The following TTC33 variants were observed in gnomAD, a reference collection of about 807,000 sequenced individuals.
TTC33 encodes tetratricopeptide repeat domain 33, also known as tetratricopeptide repeat protein 33.
In TTC33, 24 loss-of-function variants were observed where a neutral mutation model predicts 29.4. The observed-to-expected ratio is 0.82, with a 90% CI of 0.59 to 1.15. TTC33 has a LOEUF of 1.15. Among genes scored for constraint, TTC33 ranks in the 50% most tolerant of loss-of-function variants. TTC33 has a pLI of 0.00. For missense variants in TTC33, 286 were observed against 310.4 expected (o/e 0.92, Z 0.59); for synonymous variants, 107 against 100.3 (o/e 1.07, Z -0.40).
Position 40,731,647 on chromosome 5 carries a change from G to C in TTC33, c.222-1304C>G, listed in dbSNP as rs143477528. Among the ~76,000 whole-genome samples, 635 of 152,276 alleles carry C rather than the reference G, an allele frequency of 4.2e-3. 3 individuals carry two copies. The highest frequency in any genetic ancestry group is 0.015 in the African/African-American group (609 of 41,540). ...TGAGACCAGCATGGCAGAAACTGCC[G>C]CCATAATTCAATTATCTCCACCTGG... On this transcript the variant is annotated intron_variant, in intron 2 of 4. Coordinates refer to ENST00000337702, the MANE Select transcript of TTC33 (RefSeq NM_012382.3).
At chr5:40,744,785 A>G (rs1579690261) in intron 2 of TTC33, among the ~76,000 whole-genome samples, 1 of 152,180 alleles carries the variant, frequency 6.6e-6, no homozygotes, top group South Asian at 2.1e-4. Flanking sequence ...CACAGAGGAC[A>G]ATGCTTTAAG....
chr5:40,747,070 T>A, intron 1 of TTC33, 51 bp from the exon 2 acceptor site: 1 of 1,533,910 alleles, frequency 6.5e-7, no homozygotes, highest in Non-Finnish European at 8.9e-7. Context: ...ATCTTTTTTT[T>A]TTTTTGAGAT....
chr5:40,733,386 A>G (rs1333958093), intron 2 of TTC33, among the ~76,000 whole-genome samples: 1 of 152,172 alleles, frequency 6.6e-6, no homozygotes, highest in African/African-American at 2.4e-5. Context: ...TGTATCCCAA[A>G]ATAAGCCATA....
intron 2 of TTC33, among the ~76,000 whole-genome samples, chr5:40,738,988 C>A (rs1561151681): frequency 6.6e-6 from 1 of 152,150 alleles, no homozygotes; most frequent in Non-Finnish European, 1.5e-5. Flanking sequence ...TTTCTCCCAG[C>A]CTGTGGCCTG....
intron 4 of TTC33, among the ~76,000 whole-genome samples, chr5:40,719,029 G>A (rs778240432): frequency 3.3e-5 from 5 of 152,094 alleles, no homozygotes; most frequent in Non-Finnish European, 7.4e-5. Context: ...ATGGCATAAA[G>A]CTAATGCCTT....
Position 40,712,437 on chromosome 5 carries a change from A to G in TTC33, c.*3708T>C, listed in dbSNP as rs2111850293. Among the ~76,000 whole-genome samples, 1 of 152,280 alleles carries G rather than the reference A, an allele frequency of 6.6e-6. No homozygotes were observed. The highest frequency in any genetic ancestry group is 2.4e-5 in the African/African-American group (1 of 41,568). On this transcript the variant is annotated 3_prime_UTR_variant, in exon 5 of 5. Transcript: ENST00000337702. ...TCTGAACCACTTGAGACACAGACAG[A>G]TGGAGATTCAATATTTTAAGTTTAC...
intron 2 of TTC33, among the ~76,000 whole-genome samples, chr5:40,740,339 G>GT (rs1742666546): frequency 6.6e-6 from 1 of 151,458 alleles, no homozygotes; most frequent in African/African-American, 2.4e-5. Flanking sequence ...AGGCCTACTG[G>GT]TAATGGGTTA....
At position 40,716,358 on chromosome 5, in the gene TTC33, T is replaced by C. The variant is rs1297376982; in HGVS notation, c.576A>G (p.Glu192=). 6.2e-7 allele frequency: 1 copy of C among 1,614,210 alleles called. No individual in the cohort carries two copies. Among genetic ancestry groups the C allele is most frequent in the South Asian group, 1.1e-5 (1 of 91,080 alleles). The change falls in exon 5 of 5, where the codon GAA becomes GAG. Residue 192 remains glutamate, a synonymous_variant. Coordinates refer to ENST00000337702, the MANE Select transcript of TTC33 (RefSeq NM_012382.3). ...TTGACTTTGGTGAAAAGTGTGTTACTTCAGCTGGTGCTTCACTTTTTTTAA... is the reference window on the plus strand; with the variant it reads ...TTGACTTTGGTGAAAAGTGTGTTACCTCAGCTGGTGCTTCACTTTTTTTAA... ...QRIKKSEAPA[E]VTHFSPKSIP...
chr5:40,722,953 TGA>T (rs1215732660), intron 4 of TTC33, among the ~76,000 whole-genome samples: 1 of 152,134 alleles, frequency 6.6e-6, no homozygotes, highest in Non-Finnish European at 1.5e-5. Flanking sequence ...AACAGCTCAT[TGA>T]GAGCGGGCCA....
chr5:40,739,689 T>C (rs970118443), intron 2 of TTC33, among the ~76,000 whole-genome samples: 1 of 152,220 alleles, frequency 6.6e-6, no homozygotes, highest in Non-Finnish European at 1.5e-5. Context: ...GCCAACATTA[T>C]GCTTCCTATG....
At chr5:40,738,284 C>A (rs113687348) in intron 2 of TTC33, among the ~76,000 whole-genome samples, 33,114 of 151,338 alleles carry the variant, frequency 0.22, 4,346 homozygotes, top group Admixed American at 0.37. Flanking sequence ...TAGAGTGGTG[C>A]GCGCCTGTAA....
intron 4 of TTC33, among the ~76,000 whole-genome samples, chr5:40,724,706 G>C (rs1289010849): frequency 1.3e-5 from 2 of 151,558 alleles, no homozygotes; most frequent in Admixed American, 6.6e-5. Context: ...TATTTTTCAA[G>C]AAAAAAACTC....
intron 2 of TTC33, among the ~76,000 whole-genome samples, chr5:40,737,918 A>G (rs560561808): frequency 2.0e-5 from 3 of 152,310 alleles, no homozygotes; most frequent in African/African-American, 7.2e-5. Flanking sequence ...AGAGAATACT[A>G]TTGTATGGAT....
chr5:40,750,309 C>T (rs1742871720), intron 1 of TTC33, among the ~76,000 whole-genome samples: 1 of 152,102 alleles, frequency 6.6e-6, no homozygotes, highest in Non-Finnish European at 1.5e-5. Context: ...TTGGCTCACG[C>T]CTGTAATCCT....
intron 2 of TTC33, among the ~76,000 whole-genome samples, chr5:40,738,239 C>G (rs1335951387): frequency 6.6e-6 from 1 of 151,796 alleles, no homozygotes; most frequent in East Asian, 1.9e-4. Flanking sequence ...CGGTGAAACC[C>G]TGTCTCTACT....
At chr5:40,723,305 G>T (rs1356197278) in intron 4 of TTC33, among the ~76,000 whole-genome samples, 1 of 151,902 alleles carries the variant, frequency 6.6e-6, no homozygotes, top group Non-Finnish European at 1.5e-5. Flanking sequence ...GTGGAAGGCC[G>T]CAGGGTCCTC....
chr5:40,726,422 A>G (rs1421811653), intron 4 of TTC33, among the ~76,000 whole-genome samples: 2 of 151,254 alleles, frequency 1.3e-5, no homozygotes, highest in African/African-American at 4.9e-5. Context: ...CTTTCAATAT[A>G]TTTTACATAG....
intron 1 of TTC33, among the ~76,000 whole-genome samples, chr5:40,750,098 A>G (rs985462722): frequency 1.1e-3 from 167 of 152,256 alleles, no homozygotes; most frequent in Non-Finnish European, 2.1e-3. Context: ...AAAAAAAAAA[A>G]AAAAAGTACA....
At position 40,728,481 on chromosome 5, in the gene TTC33, AGGC is replaced by A; in HGVS notation, c.304-8_304-6del. ...TTCATGAAGAGACATTAGCACCTAT[AGGC>A]AAAAAAAGACCAAAAAATCTGTCAG... On this transcript the variant is annotated splice_region_variant and splice_polypyrimidine_tract_variant and intron_variant, in intron 3 of 4. Coordinates refer to ENST00000337702, the MANE Select transcript of TTC33 (RefSeq NM_012382.3). 6.3e-7 allele frequency: 1 copy of A among 1,584,642 alleles called. No individual in the cohort carries two copies. Among genetic ancestry groups the A allele is most frequent in the Admixed American group, 1.9e-5 (1 of 51,770 alleles).
Sources: gnomAD v4.1 joint callset for allele counts (sites outside exome capture counted in the v4.1 genomes callset) on GRCh38, gnomAD v4.1.1 for gene constraint, MANE v1.5 for transcripts, NCBI Gene and HGNC (gene_info 2026-07-23, HGNC 2026-07-21) for gene names.